Variants in SGCZ observed in about 807,000 individuals in gnomAD.
The protein encoded by SGCZ is sarcoglycan zeta, also known as zeta-sarcoglycan.
A neutral mutation model predicts 41.3 loss-of-function variants in SGCZ; 40 were observed. That is an observed-to-expected ratio of 0.97 (90% CI 0.75 to 1.26). The LOEUF is 1.26. Among genes scored for constraint, SGCZ ranks in the 50% most tolerant of loss-of-function variants. The pLI is 0.00. For synonymous variants in SGCZ, 206 were observed against 137.5 expected, an observed-to-expected ratio of 1.50 and a Z score of -3.49; for missense variants, 552 against 369.8, an observed-to-expected ratio of 1.49 and a Z score of -4.04.
In SGCZ at chr8:14,089,632, C is replaced by G. The variant is rs554881531; in HGVS notation, c.*811G>C. 1.3e-3 allele frequency among the ~76,000 whole-genome samples: 195 copies of G among 152,018 alleles called. No individual in the cohort carries two copies. Among genetic ancestry groups the G allele is most frequent in the African/African-American group, 4.6e-3 (191 of 41,508 alleles). The stretch of plus-strand genomic sequence containing the variant: ...ATCAACATATCCTTCTTAATCCTGT[C>G]TTATATTGCAATAGAGTAGATGTTT... On this transcript the variant is annotated 3_prime_UTR_variant, in exon 8 of 8. Coordinates refer to ENST00000382080, the MANE Select transcript of SGCZ (RefSeq NM_139167.4).
chr8:14,649,530 G>C (rs1369180557), intron 1 of SGCZ, among the ~76,000 whole-genome samples: 1 of 151,454 alleles, frequency 6.6e-6, no homozygotes, highest in African/African-American at 2.4e-5. Flanking sequence ...GAAGGAGCCT[G>C]TATCTGAGAT....
At chr8:14,410,326 A>T (rs11988587) in intron 2 of SGCZ, among the ~76,000 whole-genome samples, 3 of 151,626 alleles carry the variant, frequency 2.0e-5, no homozygotes, top group Non-Finnish European at 4.4e-5. Context: ...TAATATCCAC[A>T]TTCTGAGCAT....
chr8:14,265,314 T>A (rs1799832417), intron 3 of SGCZ, among the ~76,000 whole-genome samples: 1 of 152,194 alleles, frequency 6.6e-6, no homozygotes, highest in South Asian at 2.1e-4. Context: ...GTATATTGAC[T>A]TTGGAAACAA....
intron 2 of SGCZ, among the ~76,000 whole-genome samples, chr8:14,391,519 A>G (rs1287278251): frequency 6.6e-6 from 1 of 152,072 alleles, no homozygotes; most frequent in Non-Finnish European, 1.5e-5. Context: ...TCAGGCAGGG[A>G]GTACTATGTT....
At position 14,479,329 on chromosome 8, in the gene SGCZ, G is replaced by C. The variant is rs553163133; in HGVS notation, c.234+75403C>G. Among the ~76,000 whole-genome samples the C allele has an allele frequency of 8.5e-4, 130 of 152,234 alleles. 1 individual carries two copies. Among genetic ancestry groups the C allele is most frequent in the African/African-American group, 3.1e-3 (129 of 41,526 alleles). ...GCATTCAGCACGGGAGAAAAATAGA[G>C]GCCCGGAGACTCAGCGAGTCTCGTA... is the stretch of plus-strand genomic sequence containing the variant. On this transcript the variant is annotated intron_variant, in intron 2 of 7. Coordinates refer to ENST00000382080, the MANE Select transcript of SGCZ (RefSeq NM_139167.4).
chr8:14,863,043 T>C (rs1306293164), intron 1 of SGCZ, among the ~76,000 whole-genome samples: 1 of 152,142 alleles, frequency 6.6e-6, no homozygotes, highest in African/African-American at 2.4e-5. Flanking sequence ...ACTGGGATGA[T>C]TGAGAAGCTA....
intron 1 of SGCZ, among the ~76,000 whole-genome samples, chr8:14,958,529 C>A (rs778909144): frequency 6.6e-6 from 1 of 151,612 alleles, no homozygotes; most frequent in East Asian, 1.9e-4. Flanking sequence ...CAGAAAAAAA[C>A]GATTTGTGGT....
intron 1 of SGCZ, among the ~76,000 whole-genome samples, chr8:14,742,992 A>T (rs1014584794): frequency 1.3e-5 from 2 of 152,132 alleles, no homozygotes; most frequent in African/African-American, 4.8e-5. Flanking sequence ...ATGAGCATTT[A>T]AATTTTCTCA....
intron 1 of SGCZ, among the ~76,000 whole-genome samples, chr8:14,751,676 G>T (rs1372998911): frequency 6.6e-6 from 1 of 152,084 alleles, no homozygotes; most frequent in Admixed American, 6.5e-5. Context: ...TGCCTCCCGA[G>T]TAGCTGTGAC....
intron 2 of SGCZ, among the ~76,000 whole-genome samples, chr8:14,550,070 A>T (rs1035106027): frequency 3.3e-5 from 5 of 152,054 alleles, no homozygotes; most frequent in Non-Finnish European, 1.5e-5. Context: ...ACTTGTGCAA[A>T]TGTAATGACC....
intron 1 of SGCZ, among the ~76,000 whole-genome samples, chr8:14,761,556 G>C (rs1799875888): frequency 6.7e-6 from 1 of 148,286 alleles, no homozygotes. Context: ...TTTTGAGAGG[G>C]AGTCTCTCCC....
intron 4 of SGCZ, among the ~76,000 whole-genome samples, chr8:14,167,658 G>A (rs1011206106): frequency 3.3e-5 from 5 of 152,100 alleles, no homozygotes; most frequent in African/African-American, 1.2e-4. Flanking sequence ...TTAGATATAT[G>A]TGCAAATATT....
At chr8:14,786,802 A>G (rs1025264245) in intron 1 of SGCZ, among the ~76,000 whole-genome samples, 1 of 151,290 alleles carries the variant, frequency 6.6e-6, no homozygotes, top group African/African-American at 2.4e-5. Context: ...TAAAGATCCC[A>G]TGTTTTACAA....
intron 3 of SGCZ, among the ~76,000 whole-genome samples, chr8:14,243,441 C>T (rs553010418): frequency 6.6e-6 from 1 of 152,108 alleles, no homozygotes; most frequent in South Asian, 2.1e-4. Flanking sequence ...TTTTCATATC[C>T]AGTGTTACTT....
intron 1 of SGCZ, among the ~76,000 whole-genome samples, chr8:14,914,011 TCA>T (rs1177938248): frequency 6.6e-6 from 1 of 151,960 alleles, no homozygotes; most frequent in East Asian, 1.9e-4. Context: ...CACACAAAAT[TCA>T]CATTCTTAAT....
intron 1 of SGCZ, among the ~76,000 whole-genome samples, chr8:14,630,808 G>A (rs1806623128): frequency 6.7e-6 from 1 of 148,910 alleles, no homozygotes; most frequent in African/African-American, 2.5e-5. Flanking sequence ...ACTCATAGGT[G>A]GGAATTGAAC....
At chr8:14,404,439 A>C (rs1799157850) in intron 2 of SGCZ, among the ~76,000 whole-genome samples, 1 of 152,306 alleles carries the variant, frequency 6.6e-6, no homozygotes, top group South Asian at 2.1e-4. Flanking sequence ...GCAGGGGAGA[A>C]AGTAAGAGAA....
intron 5 of SGCZ, among the ~76,000 whole-genome samples, chr8:14,110,479 G>A (rs1802338830): frequency 6.6e-6 from 1 of 152,006 alleles, no homozygotes; most frequent in Non-Finnish European, 1.5e-5. Flanking sequence ...ACTGATAGAG[G>A]TCTCAATTCT....
chr8:14,741,387 C>A (rs1585223458), intron 1 of SGCZ, among the ~76,000 whole-genome samples: 1 of 152,174 alleles, frequency 6.6e-6, no homozygotes, highest in South Asian at 2.1e-4. Context: ...TTTAAAGCCT[C>A]TTACACATAT....
Sources: gnomAD v4.1 joint callset for allele counts (sites outside exome capture counted in the v4.1 genomes callset) on GRCh38, gnomAD v4.1.1 for gene constraint, MANE v1.5 for transcripts, NCBI Gene and HGNC (gene_info 2026-07-23, HGNC 2026-07-21) for gene names.